LRRTM4: variants seen among roughly 807,000 people sequenced by gnomAD.
LRRTM4 encodes the protein leucine-rich repeat transmembrane neuronal protein 4.
Under a neutral mutation model 47.6 loss-of-function variants are expected in LRRTM4, and 25 were observed. That is an observed-to-expected ratio of 0.53 (90% CI 0.38 to 0.73). The LOEUF (loss-of-function observed/expected upper bound fraction) is 0.73. Among genes scored for constraint, LRRTM4 ranks in the 30% least tolerant of loss-of-function variants. The pLI, the probability that LRRTM4 is intolerant of heterozygous loss-of-function variation, is 0.00. For missense variants in LRRTM4, 638 were observed against 713.4 expected, an observed-to-expected ratio of 0.89 and a Z score of 1.20; for synonymous variants, 311 against 269.5, an observed-to-expected ratio of 1.15 and a Z score of -1.51.
At chr2:77,193,927 C>T (rs1673745416) in intron 3 of LRRTM4, among the ~76,000 whole-genome samples, 1 of 152,116 alleles carries the variant, frequency 6.6e-6, no homozygotes, top group Non-Finnish European at 1.5e-5. Flanking sequence ...AAAGCTTATG[C>T]TTTCTAAGAG....
intron 3 of LRRTM4, among the ~76,000 whole-genome samples, chr2:77,128,396 A>AGAT (rs1671709017): frequency 4.2e-5 from 1 of 23,678 alleles, no homozygotes; most frequent in Non-Finnish European, 6.6e-5. Context: ...ATTCTGTAAC[A>AGAT]GATAGATAGA....
chr2:77,052,373 T>G (rs918163997), intron 3 of LRRTM4, among the ~76,000 whole-genome samples: 2 of 151,868 alleles, frequency 1.3e-5, no homozygotes, highest in Non-Finnish European at 2.9e-5. Context: ...TTCATCATGT[T>G]TACCAGGCTG....
At chr2:77,472,929 C>G (rs1385113049) in intron 3 of LRRTM4, among the ~76,000 whole-genome samples, 1 of 152,086 alleles carries the variant, frequency 6.6e-6, no homozygotes, top group Non-Finnish European at 1.5e-5. Context: ...ATCTTTTGCT[C>G]ACAGCAATCT....
At chr2:76,860,684 G>C (rs1001207371) in intron 3 of LRRTM4, among the ~76,000 whole-genome samples, 1 of 152,018 alleles carries the variant, frequency 6.6e-6, no homozygotes, top group Admixed American at 6.6e-5. Context: ...TTCTGTAAAA[G>C]AGAAACCAGA....
rs531297437 is a variant in LRRTM4, at chr2:77,002,989, C to G, written c.1552-254073G>C. On this transcript the variant is annotated intron_variant, in intron 3 of 3. Coordinates refer to ENST00000409884, the MANE Select transcript of LRRTM4 (RefSeq NM_001134745.3). ...TACACAGAGCAAGGAACTTATTTGT[C>G]TTGTCAACAGTGGTAACTTCAGTTA... Among the ~76,000 whole-genome samples the G allele has an allele frequency of 1.0e-3, 142 of 142,462 alleles. 1 individual carries two copies. The Middle Eastern group carries it at 0.01, about 10-fold the overall frequency. 93.5% of individuals were successfully genotyped at this position (142,462 alleles called of 152,430 possible).
chr2:77,433,308 G>C (rs947728761), intron 3 of LRRTM4, among the ~76,000 whole-genome samples: 1 of 152,156 alleles, frequency 6.6e-6, no homozygotes, highest in African/African-American at 2.4e-5. Flanking sequence ...TAGATGAACA[G>C]AAAGTTATGA....
At chr2:77,016,955 T>C (rs897270534) in intron 3 of LRRTM4, among the ~76,000 whole-genome samples, 4 of 152,068 alleles carry the variant, frequency 2.6e-5, no homozygotes, top group African/African-American at 9.7e-5. Context: ...TAGGGTCATA[T>C]CTTGTTTTCT....
chr2:76,939,303 GT>G (rs1675056835), intron 3 of LRRTM4, among the ~76,000 whole-genome samples: 1 of 152,102 alleles, frequency 6.6e-6, no homozygotes, highest in Non-Finnish European at 1.5e-5. Flanking sequence ...TTTGCATGAA[GT>G]GCCATAAGCT....
In LRRTM4 at chr2:76,787,873, C is replaced by T. The variant is rs148719361; in HGVS notation, c.1552-38957G>A. 3.9e-5 allele frequency among the ~76,000 whole-genome samples: 6 copies of T among 152,232 alleles called. No individual in the cohort carries two copies. The East Asian group carries it at 1.2e-3, about 29-fold the overall frequency. On this transcript the variant is annotated intron_variant, in intron 3 of 3. Coordinates refer to ENST00000409884, the MANE Select transcript of LRRTM4 (RefSeq NM_001134745.3). ...TTTAGGCAAATTTGTGCTCCTTTGA[C>T]TTCTCTGAGCCAATTAGAATATCTG...
At chr2:76,785,362 AC>A (rs1674618854) in intron 3 of LRRTM4, among the ~76,000 whole-genome samples, 2 of 152,016 alleles carry the variant, frequency 1.3e-5, no homozygotes, top group African/African-American at 4.8e-5. Flanking sequence ...TAGAGCATCA[AC>A]TTATAACAGT....
chr2:77,039,036 T>C (rs959889958), intron 3 of LRRTM4, among the ~76,000 whole-genome samples: 1 of 151,078 alleles, frequency 6.6e-6, no homozygotes, highest in Admixed American at 6.6e-5. Context: ...CATAAGAAAA[T>C]GGAACAAGGC....
chr2:77,241,704 G>A (rs551991295), intron 3 of LRRTM4, among the ~76,000 whole-genome samples: 4 of 151,984 alleles, frequency 2.6e-5, no homozygotes, highest in South Asian at 2.1e-4. Flanking sequence ...ATAAATATTC[G>A]CTAATATATT....
At chr2:77,276,796 A>G (rs1323440815) in intron 3 of LRRTM4, among the ~76,000 whole-genome samples, 1 of 147,556 alleles carries the variant, frequency 6.8e-6, no homozygotes, top group Non-Finnish European at 1.5e-5. Context: ...TCTAAAGGGA[A>G]AAAGCTTAGA....
intron 3 of LRRTM4, among the ~76,000 whole-genome samples, chr2:77,049,157 T>TATATACATAC (rs1351971551): frequency 9.4e-6 from 1 of 106,378 alleles, no homozygotes; most frequent in African/African-American, 5.1e-5. Flanking sequence ...TATATATATA[T>TATATACATAC]ACACACACAC....
intron 3 of LRRTM4, among the ~76,000 whole-genome samples, chr2:76,960,284 A>T (rs563910551): frequency 6.6e-6 from 1 of 151,710 alleles, no homozygotes; most frequent in Non-Finnish European, 1.5e-5. Context: ...AGATAACAGT[A>T]TATGTATTTG....
At position 77,078,362 on chromosome 2, in the gene LRRTM4, T is replaced by C. The variant is rs556008033; in HGVS notation, c.1552-329446A>G. ...ATAATTTTATTGAAAAAAATATGTT[T>C]GTCTATTACACACACACCCACACAC... On this transcript the variant is annotated intron_variant, in intron 3 of 3. Transcript: ENST00000409884. Among the ~76,000 whole-genome samples, 102 of 138,244 alleles carry C rather than the reference T, an allele frequency of 7.4e-4. 1 individual carries two copies. Among genetic ancestry groups the C allele is most frequent in the African/African-American group, 2.9e-3 (100 of 34,178 alleles). 90.7% of individuals were successfully genotyped at this position (138,244 alleles called of 152,430 possible). A position where few individuals can be genotyped will look rare whatever the true frequency, so the allele number is the denominator to read the frequency against.
At chr2:76,989,367 T>C (rs1676922108) in intron 3 of LRRTM4, among the ~76,000 whole-genome samples, 1 of 151,874 alleles carries the variant, frequency 6.6e-6, no homozygotes, top group South Asian at 2.1e-4. Context: ...TTCTTATTCA[T>C]GATCTAAGGG....
chr2:77,245,811 A>T (rs1296690807), intron 3 of LRRTM4, among the ~76,000 whole-genome samples: 1 of 152,206 alleles, frequency 6.6e-6, no homozygotes, highest in African/African-American at 2.4e-5. Flanking sequence ...CAGCTTTCTC[A>T]GTCATTTGTA....
intron 3 of LRRTM4, among the ~76,000 whole-genome samples, chr2:76,988,070 C>G (rs1336718547): frequency 6.6e-6 from 1 of 151,790 alleles, no homozygotes; most frequent in Non-Finnish European, 1.5e-5. Flanking sequence ...TCTTTATACT[C>G]TAGCTCTGGG....
Sources: allele counts gnomAD v4.1 joint callset (sites outside exome capture counted in the v4.1 genomes callset), GRCh38; gene constraint gnomAD v4.1.1; transcripts MANE v1.5; gene names NCBI Gene and HGNC (gene_info 2026-07-23, HGNC 2026-07-21).